The following XKR4 variants were observed in gnomAD, a reference collection of about 807,000 sequenced individuals.
XKR4 encodes XK related 4.
XKR4 carries 12 observed loss-of-function variants against 53.9 expected under a neutral mutation model. The ratio of observed to expected loss-of-function variants is 0.22; its 90% CI spans 0.14 to 0.36. XKR4 has a LOEUF of 0.36. Ranked by LOEUF, XKR4 falls within the 10% of genes least tolerant of loss-of-function variation. XKR4 has a pLI of 1.00. For synonymous variants in XKR4, 354 were observed against 362.4 expected (o/e 0.98, Z 0.26); for missense variants, 799 against 859.5 (o/e 0.93, Z 0.88).
chr8:55,123,581 G>A (rs1320541807), intron 1 of XKR4, among the ~76,000 whole-genome samples: 1 of 152,246 alleles, frequency 6.6e-6, no homozygotes, highest in African/African-American at 2.4e-5. Context: ...CATCTCAGGA[G>A]CAGCTATCCA....
intron 1 of XKR4, among the ~76,000 whole-genome samples, chr8:55,342,351 C>T (rs1444177565): frequency 1.3e-5 from 2 of 152,136 alleles, no homozygotes; most frequent in Non-Finnish European, 2.9e-5. Context: ...CAGGTTATTG[C>T]AACAGCCTGC....
chr8:55,500,520 T>A (rs1806421780), intron 2 of XKR4, among the ~76,000 whole-genome samples: 1 of 152,168 alleles, frequency 6.6e-6, no homozygotes, highest in Non-Finnish European at 1.5e-5. Context: ...GTCCTTCTCA[T>A]CTAGGATCTT....
At chr8:55,186,204 T>C (rs1817374505) in intron 1 of XKR4, among the ~76,000 whole-genome samples, 1 of 152,160 alleles carries the variant, frequency 6.6e-6, no homozygotes, top group South Asian at 2.1e-4. Context: ...CTAATTTGTA[T>C]TTTTCCTAAA....
intron 1 of XKR4, among the ~76,000 whole-genome samples, chr8:55,174,691 C>G (rs755582771): frequency 4.6e-5 from 7 of 152,256 alleles, no homozygotes. Flanking sequence ...TTTTTTCAGT[C>G]CTACTTTTTG....
At chr8:55,293,478 C>T (rs909475977) in intron 1 of XKR4, among the ~76,000 whole-genome samples, 1 of 152,038 alleles carries the variant, frequency 6.6e-6, no homozygotes, top group African/African-American at 2.4e-5. Context: ...CTTTTTTGAA[C>T]ATGATTAGCT....
At chr8:55,113,602 G>A (rs1001225486) in intron 1 of XKR4, among the ~76,000 whole-genome samples, 2 of 152,160 alleles carry the variant, frequency 1.3e-5, no homozygotes, top group Non-Finnish European at 2.9e-5. Flanking sequence ...GATTAACTGG[G>A]TGCATGTACA....
chr8:55,436,672 G>T (rs553300500), intron 2 of XKR4, among the ~76,000 whole-genome samples: 2 of 152,276 alleles, frequency 1.3e-5, no homozygotes, highest in African/African-American at 4.8e-5. Flanking sequence ...GAAATAGCTC[G>T]GTGTCATGTC....
intron 1 of XKR4, among the ~76,000 whole-genome samples, chr8:55,118,763 C>T (rs1352563937): frequency 6.6e-6 from 1 of 152,144 alleles, no homozygotes; most frequent in Non-Finnish European, 1.5e-5. Context: ...TTGTAGCATT[C>T]CATGAATAAT....
intron 2 of XKR4, among the ~76,000 whole-genome samples, chr8:55,506,008 C>G (rs781448736): frequency 1.4e-4 from 21 of 152,242 alleles, no homozygotes; most frequent in Non-Finnish European, 2.9e-4. Context: ...AGGTTCTGCA[C>G]TGCTCAACAT....
At chr8:55,225,994 C>T (rs1817947094) in intron 1 of XKR4, among the ~76,000 whole-genome samples, 1 of 152,192 alleles carries the variant, frequency 6.6e-6, no homozygotes. Context: ...CTGTCTGGCC[C>T]AGACAACACC....
At chr8:55,455,096 G>A in intron 2 of XKR4, 1 of 667,420 alleles carries the variant, frequency 1.5e-6, no homozygotes, top group Non-Finnish European at 2.8e-6. Context: ...GCGCGGGTGC[G>A]GCCTGAATGC....
intron 2 of XKR4, among the ~76,000 whole-genome samples, chr8:55,434,991 C>T (rs991379697): frequency 1.3e-5 from 2 of 152,020 alleles, no homozygotes; most frequent in Non-Finnish European, 2.9e-5. Flanking sequence ...ACTACACACA[C>T]ACAAGCATGC....
At chr8:55,468,650 G>A (rs1805816945) in intron 2 of XKR4, among the ~76,000 whole-genome samples, 1 of 151,998 alleles carries the variant, frequency 6.6e-6, no homozygotes, top group Non-Finnish European at 1.5e-5. Context: ...CTTTTTTATA[G>A]ATGAATGAAT....
intron 1 of XKR4, among the ~76,000 whole-genome samples, chr8:55,132,118 C>A (rs904433710): frequency 8.5e-5 from 13 of 152,166 alleles, no homozygotes; most frequent in African/African-American, 3.1e-4. Context: ...CATGGCCTGA[C>A]AACAATGGGT....
At chr8:55,438,423 T>TAAA (rs570334731) in intron 2 of XKR4, among the ~76,000 whole-genome samples, 3 of 149,718 alleles carry the variant, frequency 2.0e-5, no homozygotes, top group African/African-American at 7.4e-5. Flanking sequence ...CCGTCTCTAT[T>TAAA]AAAAAAAAAT....
intron 1 of XKR4, among the ~76,000 whole-genome samples, chr8:55,225,782 T>A (rs1405141795): frequency 6.6e-6 from 1 of 152,206 alleles, no homozygotes; most frequent in East Asian, 1.9e-4. Context: ...CCTAGAGAAT[T>A]TTAGAGACAG....
At chr8:55,125,711 G>GA (rs11398672) in intron 1 of XKR4, among the ~76,000 whole-genome samples, 4,922 of 151,242 alleles carry the variant, frequency 0.033, 252 homozygotes, top group African/African-American at 0.11. Context: ...CAATTAATAA[G>GA]AAAAAATGGC....
chr8:55,166,823 AC>A (rs1018661487), intron 1 of XKR4, among the ~76,000 whole-genome samples: 4 of 152,202 alleles, frequency 2.6e-5, no homozygotes, highest in Non-Finnish European at 5.9e-5. Flanking sequence ...ATGGGACCAA[AC>A]CCAGTACCAT....
Position 55,102,740 on chromosome 8 carries a change from C to G in XKR4, c.252C>G (p.Ala84=), listed in dbSNP as rs571589010. The change falls in exon 1 of 3, where the codon GCC becomes GCG. Residue 84 remains alanine, a synonymous_variant. Coordinates refer to ENST00000327381, the MANE Select transcript of XKR4 (RefSeq NM_052898.2). The surrounding 1 kb of genome is among the most constrained non-coding windows in gnomAD (Gnocchi z 5.1). The stretch of plus-strand genomic sequence containing the variant: ...GCTCGGGCGGCTCCGGCGGCGTCGC[C>G]GGCCCGGGCGGCGGCGGGGCGGGCT... ...SAGSGGSGGV[A]GPGGGGAGSA... is the part of the protein sequence containing the mutation. 10 of 1,201,810 alleles carry G rather than the reference C, an allele frequency of 8.3e-6. No individual in the cohort carries two copies. In the East Asian group the frequency reaches 3.4e-4, roughly 41 times the overall value. The allele number at this position is 1,201,810 out of a possible 1,614,324, so 74.4% of individuals were successfully genotyped here.
Sources: allele counts gnomAD v4.1 joint callset (sites outside exome capture counted in the v4.1 genomes callset), GRCh38; gene constraint gnomAD v4.1.1; non-coding constraint Gnocchi (gnomAD v3.1); transcripts MANE v1.5; gene names NCBI Gene and HGNC (gene_info 2026-07-23, HGNC 2026-07-21).